The following TTC39B variants were observed in gnomAD, a reference collection of about 807,000 sequenced individuals.
TTC39B encodes tetratricopeptide repeat protein 39B.
A neutral mutation model predicts 96.6 loss-of-function variants in TTC39B; 92 were observed. The observed-to-expected ratio is 0.95, with a 90% CI of 0.80 to 1.13. TTC39B has a LOEUF of 1.13. TTC39B is among the 50% of genes most tolerant of loss of function. TTC39B has a pLI of 0.00. For missense variants in TTC39B, 955 were observed against 809.3 expected (o/e 1.18, Z -2.18); for synonymous variants, 367 against 299.4 (o/e 1.23, Z -2.33).
intron 8 of TTC39B, among the ~76,000 whole-genome samples, chr9:15,195,924 G>T (rs1819140582): frequency 6.6e-6 from 1 of 152,160 alleles, no homozygotes; most frequent in Non-Finnish European, 1.5e-5. Context: ...GGGACTAATG[G>T]AACTGGTGAC....
At chr9:15,230,776 G>A (rs549974816) in intron 2 of TTC39B, among the ~76,000 whole-genome samples, 19 of 152,272 alleles carry the variant, frequency 1.2e-4, no homozygotes, top group African/African-American at 4.3e-4. Context: ...CTTGAGGTCA[G>A]GAGTTCAAGA....
chr9:15,265,115 G>A (rs1823083919), intron 2 of TTC39B, among the ~76,000 whole-genome samples: 2 of 152,200 alleles, frequency 1.3e-5, no homozygotes, highest in Admixed American at 6.5e-5. Flanking sequence ...TAGGGCTGGT[G>A]TGAGATAGGA....
chr9:15,288,993 C>G (rs994306796), intron 1 of TTC39B, among the ~76,000 whole-genome samples: 1 of 152,236 alleles, frequency 6.6e-6, no homozygotes, highest in Non-Finnish European at 1.5e-5. Flanking sequence ...CACCCCAGAC[C>G]TCTAGGAGCA....
intron 3 of TTC39B, chr9:15,224,522 T>A (rs1050218597): frequency 7.9e-5 from 12 of 152,404 alleles, no homozygotes; most frequent in African/African-American, 2.9e-4. Context: ...AATACAGGTG[T>A]GGTTCATCAC....
chr9:15,211,118 G>C (rs1402729355), intron 5 of TTC39B, 148 bp downstream of exon 5: 1 of 875,168 alleles, frequency 1.1e-6, no homozygotes, highest in Non-Finnish European at 1.6e-6. Flanking sequence ...TGCCAAATGG[G>C]AATCCTTCAG....
chr9:15,233,988 G>A (rs1356419764), intron 2 of TTC39B, among the ~76,000 whole-genome samples: 3 of 149,526 alleles, frequency 2.0e-5, no homozygotes, highest in Admixed American at 6.6e-5. Flanking sequence ...CTGAGATGTG[G>A]GGAGCGCCTC....
intron 2 of TTC39B, among the ~76,000 whole-genome samples, chr9:15,246,471 G>GTAGATTA (rs1288040493): frequency 2.6e-5 from 4 of 152,136 alleles, no homozygotes; most frequent in African/African-American, 9.7e-5. Context: ...GGCAAGTGTG[G>GTAGATTA]TAGATTATAA....
At chr9:15,251,832 C>G (rs1016977232) in intron 2 of TTC39B, among the ~76,000 whole-genome samples, 1 of 150,526 alleles carries the variant, frequency 6.6e-6, no homozygotes, top group Non-Finnish European at 1.5e-5. Context: ...ATTATTTACC[C>G]AAAAATGTAC....
chr9:15,272,577 G>C (rs570382135), intron 1 of TTC39B, among the ~76,000 whole-genome samples: 2 of 152,080 alleles, frequency 1.3e-5, no homozygotes, highest in African/African-American at 4.8e-5. Context: ...ACTACTGTAG[G>C]GCCTGGTGTA....
At chr9:15,224,673 T>C (rs1453732904) in intron 3 of TTC39B, among the ~76,000 whole-genome samples, 7 of 152,254 alleles carry the variant, frequency 4.6e-5, no homozygotes, top group African/African-American at 1.7e-4. Context: ...GCATTATAAA[T>C]GTTGATACAG....
chr9:15,286,426 C>T (rs1040055347), intron 1 of TTC39B, among the ~76,000 whole-genome samples: 2 of 152,174 alleles, frequency 1.3e-5, no homozygotes, highest in Non-Finnish European at 2.9e-5. Flanking sequence ...TCAGGTTAGA[C>T]GACTACAGAA....
intron 1 of TTC39B, among the ~76,000 whole-genome samples, chr9:15,301,493 G>A (rs978634781): frequency 7.2e-5 from 11 of 152,178 alleles, no homozygotes; most frequent in Admixed American, 2.6e-4. Flanking sequence ...AGTGGCTCAC[G>A]CCTATAATCC....
chr9:15,216,494 T>C (rs1274598936), intron 3 of TTC39B, among the ~76,000 whole-genome samples: 1 of 152,196 alleles, frequency 6.6e-6, no homozygotes, highest in Non-Finnish European at 1.5e-5. Flanking sequence ...GTAAGAATGC[T>C]AGGAGTTCAT....
intron 6 of TTC39B, among the ~76,000 whole-genome samples, chr9:15,209,665 C>T (rs746824900): frequency 7.9e-5 from 12 of 152,076 alleles, no homozygotes; most frequent in African/African-American, 2.9e-4. Flanking sequence ...TTCTAGGACA[C>T]CATTATTCAT....
At chr9:15,280,287 T>C (rs1029581443) in intron 1 of TTC39B, among the ~76,000 whole-genome samples, 11 of 152,328 alleles carry the variant, frequency 7.2e-5, no homozygotes, top group Non-Finnish European at 1.3e-4. Context: ...ACAAACTGCA[T>C]AGCTGCAACT....
chr9:15,294,187 C>A (rs1463520454), intron 1 of TTC39B, among the ~76,000 whole-genome samples: 1 of 148,004 alleles, frequency 6.8e-6, no homozygotes, highest in African/African-American at 2.5e-5. Flanking sequence ...TTAGAAAGAG[C>A]AGTCTATTGT....
In TTC39B at chr9:15,285,768, T is replaced by C. The variant is rs1045856499; in HGVS notation, c.241-17820A>G. On this transcript the variant is annotated intron_variant, in intron 1 of 19. Transcript: ENST00000512701. ...TACTCAGGAGGCTGAGGCAGGAGAA[T>C]GGCGTGAACCCGGGAGGCGGAGCTT... Among the ~76,000 whole-genome samples, 9 of 151,994 alleles carry C rather than the reference T, an allele frequency of 5.9e-5. No individual in the cohort carries two copies. The East Asian group carries it at 1.7e-3, about 29-fold the overall frequency.
intron 2 of TTC39B, among the ~76,000 whole-genome samples, chr9:15,252,129 G>C (rs1487839980): frequency 1.3e-5 from 2 of 152,126 alleles, no homozygotes; most frequent in African/African-American, 4.8e-5. Context: ...AAGGAAAAGA[G>C]AACTGCAAGC....
intron 2 of TTC39B, among the ~76,000 whole-genome samples, chr9:15,251,022 C>A (rs1387581235): frequency 6.6e-6 from 1 of 151,746 alleles, no homozygotes. Context: ...ATGCTGAAAC[C>A]CCATCTCTAC....
Sources: allele counts gnomAD v4.1 joint callset (sites outside exome capture counted in the v4.1 genomes callset), GRCh38; gene constraint gnomAD v4.1.1; transcripts MANE v1.5; gene names NCBI Gene and HGNC (gene_info 2026-07-23, HGNC 2026-07-21).